Variants in FBXO9 observed in about 807,000 individuals in gnomAD.
FBXO9 encodes the protein F-box protein 9.
In FBXO9, 43 loss-of-function variants were observed where a neutral mutation model predicts 63.7. That is an observed-to-expected ratio of 0.67 (90% CI 0.53 to 0.87). The LOEUF is 0.87. Ranked by LOEUF, FBXO9 falls within the 40% of genes least tolerant of loss-of-function variation. The pLI is 0.00. For missense variants in FBXO9, 442 were observed against 533.2 expected, an observed-to-expected ratio of 0.83 and a Z score of 1.68; for synonymous variants, 156 against 171.7, an observed-to-expected ratio of 0.91 and a Z score of 0.72.
At chr6:53,094,117 A>T in intron 11 of FBXO9, 139 bp downstream of exon 11, 2 of 434,990 alleles carry the variant, frequency 4.6e-6, no homozygotes, top group Non-Finnish European at 8.1e-6. Flanking sequence ...ACTTCTAGCA[A>T]TCACTGAAGA....
intron 1 of FBXO9, among the ~76,000 whole-genome samples, chr6:53,066,577 CAA>C (rs1247508557): frequency 6.6e-6 from 1 of 152,222 alleles, no homozygotes; most frequent in African/African-American, 2.4e-5. Context: ...ATAGTGGACT[CAA>C]ATATTTATTG....
chr6:53,082,644 T>C, intron 7 of FBXO9, 26 bp downstream of exon 7: 1 of 1,509,906 alleles, frequency 6.6e-7, no homozygotes, highest in Non-Finnish European at 9.2e-7. Context: ...TTTTGTTTTT[T>C]AAACAACTGA....
Position 53,088,588 on chromosome 6 carries a change from T to A in FBXO9, c.654-3841T>A, listed in dbSNP as rs144385312. Among the ~76,000 whole-genome samples the A allele has an allele frequency of 2.5e-3, 386 of 151,724 alleles. 1 individual carries two copies. The highest frequency in any genetic ancestry group is 6.7e-3 in the African/African-American group (277 of 41,406). On this transcript the variant is annotated intron_variant, in intron 7 of 12. Transcript: ENST00000323557. ...TTTTAGGTGGTGGTGACTGACCTAG[T>A]GGTTTGTCTTTTTTTTTTTTTTTCC... is the stretch of plus-strand genomic sequence containing the variant.
rs1316025228 is a variant in FBXO9, at chr6:53,075,734, ATTATTTTTTTTT to A, written c.250-749_250-738del. On this transcript the variant is annotated intron_variant, in intron 3 of 12. Coordinates refer to ENST00000323557, the MANE Select transcript of FBXO9 (RefSeq NM_033480.3). ...TAATTGGATTACATATATATATATA[ATTATTTTTTTTT>A]TTTTTTTTTTTTTTGAGATGGAGTG... Among the ~76,000 whole-genome samples, 12 of 82,174 alleles carry A rather than the reference ATTATTTTTTTTT, an allele frequency of 1.5e-4. No homozygotes were observed. The East Asian group carries it at 4.5e-3, about 31-fold the overall frequency. 53.9% of individuals were successfully genotyped at this position (82,174 alleles called of 152,430 possible).
chr6:53,068,994 C>T (rs1768813920), intron 1 of FBXO9, among the ~76,000 whole-genome samples: 1 of 152,128 alleles, frequency 6.6e-6, no homozygotes. Context: ...AAACTATCTG[C>T]TACAGCCAGG....
At chr6:53,094,200 T>C (rs1378249087) in intron 11 of FBXO9, among the ~76,000 whole-genome samples, 2 of 152,210 alleles carry the variant, frequency 1.3e-5, no homozygotes, top group Admixed American at 6.5e-5. Context: ...AGATAGTTTG[T>C]TTTTTATATA....
chr6:53,097,723 T>A lies in FBXO9; in HGVS notation c.1207T>A (p.Ser403Thr), dbSNP rs1763249838. The change falls in exon 13 of 13, where the codon TCA becomes ACA. Residue 403 changes from serine (S) to threonine (T), a missense_variant and splice_region_variant. Ser to Thr is a moderately conservative substitution (Grantham distance 58). This residue lies in a region of FBXO9 where 262 missense variants were observed against 362.1 expected (regional missense o/e 0.72). Transcript: ENST00000323557. ...TAATTTTGTGCTTTTTTTTTACAGATCAACTGGTGAGACTGCAGTCAGTGC... is the reference window on the plus strand; with the variant it reads ...TAATTTTGTGCTTTTTTTTTACAGAACAACTGGTGAGACTGCAGTCAGTGC... ...IHHSCHITYK[S>T]TGETAVSAFE... 1.3e-6 allele frequency: 2 copies of A among 1,585,198 alleles called. No homozygotes were observed. Among genetic ancestry groups the A allele is most frequent in the South Asian group, 2.3e-5 (2 of 88,196 alleles).
At chr6:53,088,963 C>T (rs1339414310) in intron 7 of FBXO9, among the ~76,000 whole-genome samples, 1 of 151,612 alleles carries the variant, frequency 6.6e-6, no homozygotes, top group Non-Finnish European at 1.5e-5. Context: ...GCTCTGTCGC[C>T]CAGGCTGGAG....
chr6:53,090,563 G>T (rs1453693726), intron 7 of FBXO9, among the ~76,000 whole-genome samples: 4 of 152,210 alleles, frequency 2.6e-5, no homozygotes, highest in African/African-American at 9.7e-5. Context: ...AACTTCATGT[G>T]TCATCATAAA....
At chr6:53,083,922 G>A (rs534529549) in intron 7 of FBXO9, among the ~76,000 whole-genome samples, 1 of 152,356 alleles carries the variant, frequency 6.6e-6, no homozygotes, top group African/African-American at 2.4e-5. Flanking sequence ...ATGTTGGGGA[G>A]AATGATTAGC....
chr6:53,094,352 G>A (rs941218937), intron 11 of FBXO9, among the ~76,000 whole-genome samples: 9 of 151,914 alleles, frequency 5.9e-5, no homozygotes, highest in African/African-American at 1.9e-4. Flanking sequence ...TAAGGATATT[G>A]TTAGAACTTC....
chr6:53,093,403 T>A (rs1276683884), intron 9 of FBXO9, 63 bp from the exon 10 acceptor site: 2 of 1,125,340 alleles, frequency 1.8e-6, no homozygotes, highest in African/African-American at 3.1e-5. Flanking sequence ...TACTAATAGA[T>A]AAGGACATAT....
At chr6:53,090,234 CT>C (rs1763005844) in intron 7 of FBXO9, among the ~76,000 whole-genome samples, 1 of 152,088 alleles carries the variant, frequency 6.6e-6, no homozygotes, top group South Asian at 2.1e-4. Flanking sequence ...TTTTTGTAGT[CT>C]TTTTTGTTAT....
chr6:53,070,320 A>G (rs1768868880), intron 1 of FBXO9, among the ~76,000 whole-genome samples: 1 of 152,018 alleles, frequency 6.6e-6, no homozygotes, highest in African/African-American at 2.4e-5. Flanking sequence ...GCACCTGGCC[A>G]GAAAAAGAGA....
intron 9 of FBXO9, 152 bp downstream of exon 9, chr6:53,092,976 A>G: frequency 2.1e-6 from 1 of 468,708 alleles, no homozygotes; most frequent in Non-Finnish European, 3.8e-6. Context: ...CTAAAAAAAA[A>G]AATAGGCTAA....
intron 3 of FBXO9, among the ~76,000 whole-genome samples, chr6:53,075,397 G>A (rs750303375): frequency 3.3e-5 from 5 of 150,984 alleles, no homozygotes; most frequent in Non-Finnish European, 4.4e-5. Flanking sequence ...AGCTGGGTGC[G>A]GTGGCTCACT....
chr6:53,096,314 G>T (rs540991981), intron 12 of FBXO9, among the ~76,000 whole-genome samples: 2 of 152,310 alleles, frequency 1.3e-5, no homozygotes, highest in South Asian at 2.1e-4. Context: ...GGCAATTAAG[G>T]TTAGCTCTTG....
chr6:53,086,072 C>T (rs1762872802), intron 7 of FBXO9, among the ~76,000 whole-genome samples: 2 of 152,192 alleles, frequency 1.3e-5, no homozygotes, highest in Non-Finnish European at 2.9e-5. Context: ...TCGCTTGAAC[C>T]CGGTAGGCGG....
At position 53,065,729 on chromosome 6, in the gene FBXO9, C is replaced by CG. The variant is rs35738802; in HGVS notation, c.-55dup. ...ACCCGGACACCCAGCACCCCTCCTC[C>CG]GGGGGGCGGTGCAGAGGGGGCACGG... On this transcript the variant is annotated 5_prime_UTR_variant, in exon 1 of 13. Transcript: ENST00000323557. 1.5e-5 allele frequency: 21 copies of CG among 1,427,554 alleles called. No homozygotes were observed. Among genetic ancestry groups the CG allele is most frequent in the South Asian group, 2.8e-5 (2 of 71,460 alleles). The allele number at this position is 1,427,554 out of a possible 1,614,324, so 88.4% of individuals were successfully genotyped here. A position where few individuals can be genotyped will look rare whatever the true frequency, so the allele number is the denominator to read the frequency against.
Sources: gnomAD v4.1 joint callset for allele counts (sites outside exome capture counted in the v4.1 genomes callset) on GRCh38, gnomAD v4.1.1 for gene constraint, gnomAD v4.1.1 regional missense constraint, MANE v1.5 for transcripts, NCBI Gene and HGNC (gene_info 2026-07-23, HGNC 2026-07-21) for gene names.